Variants in RANBP2 observed in about 807,000 individuals in gnomAD.
RANBP2 encodes E3 SUMO-protein ligase RanBP2.
Under a neutral mutation model 303.6 loss-of-function variants are expected in RANBP2, and 57 were observed. The observed-to-expected ratio is 0.19, with a 90% CI of 0.15 to 0.23. RANBP2 has a LOEUF of 0.23. RANBP2 is among the 10% of genes least tolerant of loss of function. RANBP2 has a pLI of 1.00. For missense variants in RANBP2, 3,138 were observed against 3,780.8 expected (o/e 0.83, Z 4.46); for synonymous variants, 1,167 against 1,301.5 (o/e 0.90, Z 2.23).
chr2:109,630,618 G>A, the RANBP2 span, among the ~76,000 whole-genome samples: 1 of 152,128 alleles, frequency 6.6e-6, no homozygotes, highest in East Asian at 1.9e-4. Context: ...CTCTAGGACC[G>A]ATGAGCATAA....
the RANBP2 span, among the ~76,000 whole-genome samples, chr2:109,472,805 G>T: frequency 1.7e-4 from 26 of 152,244 alleles, no homozygotes; most frequent in Non-Finnish European, 3.5e-4. Flanking sequence ...CCAGACGCCC[G>T]TTGGAAATCC....
the RANBP2 span, among the ~76,000 whole-genome samples, chr2:109,044,415 C>T: frequency 2.0e-5 from 3 of 151,814 alleles, no homozygotes; most frequent in East Asian, 5.8e-4. Flanking sequence ...CCCAGCTACT[C>T]GGGAGGCTCA....
the RANBP2 span, among the ~76,000 whole-genome samples, chr2:109,722,184 G>A: frequency 1.3e-5 from 2 of 152,172 alleles, no homozygotes; most frequent in East Asian, 1.9e-4. Context: ...GGGGCCCTGC[G>A]GACTTGTTTG....
At chr2:109,008,613 CA>C in the RANBP2 span, among the ~76,000 whole-genome samples, 1 of 146,448 alleles carries the variant, frequency 6.8e-6, no homozygotes, top group Non-Finnish European at 1.5e-5. Flanking sequence ...AAAAAAAATC[CA>C]TGGATAGGCT....
At chr2:109,705,175 C>T in the RANBP2 span, among the ~76,000 whole-genome samples, 6 of 152,048 alleles carry the variant, frequency 3.9e-5, no homozygotes, top group Admixed American at 3.9e-4. Flanking sequence ...GAGGCTGAGG[C>T]GGGCGGATCC....
At chr2:108,768,605 A>C (rs1391517489) in intron 20 of RANBP2, among the ~76,000 whole-genome samples, 1 of 152,238 alleles carries the variant, frequency 6.6e-6, no homozygotes, top group African/African-American at 2.4e-5. Context: ...ACTGGAAGAT[A>C]CTTTTATCAT....
At chr2:108,893,990 T>TTA in the RANBP2 span, among the ~76,000 whole-genome samples, 1 of 151,524 alleles carries the variant, frequency 6.6e-6, no homozygotes, top group African/African-American at 2.4e-5. Flanking sequence ...CCTCTCTCTG[T>TTA]TATCTATCTA....
the RANBP2 span, among the ~76,000 whole-genome samples, chr2:109,439,743 G>A: frequency 2.6e-5 from 4 of 152,042 alleles, no homozygotes; most frequent in South Asian, 4.2e-4. Flanking sequence ...AAAAAGCACC[G>A]AGAAGGAGCT....
chr2:109,057,411 G>A, the RANBP2 span, among the ~76,000 whole-genome samples: 1 of 152,210 alleles, frequency 6.6e-6, no homozygotes, highest in African/African-American at 2.4e-5. Flanking sequence ...TGACAGCTCT[G>A]TCCTTGACTC....
At chr2:108,898,625 C>CAT in the RANBP2 span, among the ~76,000 whole-genome samples, 8 of 152,070 alleles carry the variant, frequency 5.3e-5, no homozygotes, top group Admixed American at 1.3e-4. Flanking sequence ...ACTGAGATGA[C>CAT]AGATGTTAGA....
chr2:109,091,446 A>C, the RANBP2 span, among the ~76,000 whole-genome samples: 2 of 152,120 alleles, frequency 1.3e-5, no homozygotes, highest in East Asian at 3.9e-4. Flanking sequence ...TATCATGTTA[A>C]AAACATCCTG....
chr2:109,474,354 A>G, the RANBP2 span, among the ~76,000 whole-genome samples: 1 of 152,146 alleles, frequency 6.6e-6, no homozygotes, highest in Non-Finnish European at 1.5e-5. Flanking sequence ...TCTGTGAGCC[A>G]TTTGGGCTGT....
chr2:109,122,145 G>A, the RANBP2 span, among the ~76,000 whole-genome samples: 2 of 152,198 alleles, frequency 1.3e-5, no homozygotes, highest in Non-Finnish European at 2.9e-5. Flanking sequence ...GAGGGAACAC[G>A]CTTTTGTTGA....
chr2:109,598,997 A>C, the RANBP2 span, among the ~76,000 whole-genome samples: 1 of 152,210 alleles, frequency 6.6e-6, no homozygotes, highest in South Asian at 2.1e-4. Flanking sequence ...CATTATTTAA[A>C]ATCATTTTAT....
chr2:108,858,569 G>A, the RANBP2 span, among the ~76,000 whole-genome samples: 4 of 152,094 alleles, frequency 2.6e-5, no homozygotes, highest in African/African-American at 7.2e-5. Context: ...CAGCCAGTAC[G>A]ATTTATTAGA....
chr2:109,300,514 G>A, the RANBP2 span, among the ~76,000 whole-genome samples: 1 of 152,204 alleles, frequency 6.6e-6, no homozygotes, highest in African/African-American at 2.4e-5. Flanking sequence ...AAGCCCTTGA[G>A]TGAGGAAAAG....
At chr2:108,883,128 A>G in the RANBP2 span, 2 of 152,182 alleles carry the variant, frequency 1.3e-5, no homozygotes, top group African/African-American at 4.8e-5. Context: ...AAGCCTTTAG[A>G]TATGTGTAGA....
the RANBP2 span, chr2:109,449,137 T>C: frequency 6.2e-7 from 1 of 1,601,318 alleles, no homozygotes; most frequent in Non-Finnish European, 8.5e-7. Context: ...AAACTAACCT[T>C]TCAACCTGCT....
At chr2:109,396,763 G>T in the RANBP2 span, among the ~76,000 whole-genome samples, 12 of 152,216 alleles carry the variant, frequency 7.9e-5, no homozygotes, top group Non-Finnish European at 1.5e-4. Flanking sequence ...CAAGGGCTTA[G>T]CCTATATCCT....
Sources: allele counts gnomAD v4.1 joint callset (sites outside exome capture counted in the v4.1 genomes callset), GRCh38; gene constraint gnomAD v4.1.1; transcripts MANE v1.5; gene names NCBI Gene and HGNC (gene_info 2026-07-23, HGNC 2026-07-21).